Variants in PRR16 observed in about 807,000 individuals in gnomAD.
The protein encoded by PRR16 is proline rich 16.
Under a neutral mutation model 18.2 loss-of-function variants are expected in PRR16, and 6 were observed. The ratio of observed to expected loss-of-function variants is 0.33; its 90% CI spans 0.18 to 0.65. The LOEUF (loss-of-function observed/expected upper bound fraction) is 0.65. Among genes scored for constraint, PRR16 ranks in the 30% least tolerant of loss-of-function variants. PRR16 has a pLI of 0.74. For synonymous variants in PRR16, 151 were observed against 147.8 expected, an observed-to-expected ratio of 1.02 and a Z score of -0.16; for missense variants, 412 against 376.6, an observed-to-expected ratio of 1.09 and a Z score of -0.78.
chr5:120,652,166 C>A lies in PRR16; in HGVS notation c.160-33788C>A, dbSNP rs115418895. 4.5e-3 allele frequency among the ~76,000 whole-genome samples: 678 copies of A among 152,106 alleles called. 6 individuals are homozygous for A. Among genetic ancestry groups the A allele is most frequent in the African/African-American group, 0.015 (637 of 41,510 alleles). On this transcript the variant is annotated intron_variant, in intron 1 of 1. Transcript: ENST00000407149. ...TATGGATGTACATTAATATAAAGAT[C>A]AAGTCAACTGTTTTGATCATCGATT...
chr5:120,792,036 C>T, the PRR16 span, among the ~76,000 whole-genome samples: 1 of 152,108 alleles, frequency 6.6e-6, no homozygotes, highest in East Asian at 1.9e-4. Flanking sequence ...TGAACTCATC[C>T]ATGAAGCAAT....
intron 1 of PRR16, among the ~76,000 whole-genome samples, chr5:120,468,966 G>T (rs923369657): frequency 3.9e-5 from 6 of 152,160 alleles, no homozygotes; most frequent in African/African-American, 1.4e-4. Flanking sequence ...TTGTTTTGTT[G>T]TTGCCTTAGA....
At chr5:120,793,375 T>G in the PRR16 span, among the ~76,000 whole-genome samples, 1 of 152,044 alleles carries the variant, frequency 6.6e-6, no homozygotes, top group Non-Finnish European at 1.5e-5. Context: ...GTATATGGTT[T>G]GGAGATATCA....
At chr5:120,710,215 G>T in the PRR16 span, among the ~76,000 whole-genome samples, 1 of 152,100 alleles carries the variant, frequency 6.6e-6, no homozygotes, top group Non-Finnish European at 1.5e-5. Flanking sequence ...TTTCCCTGAT[G>T]ACTTTGCATT....
chr5:120,733,696 T>A, the PRR16 span, among the ~76,000 whole-genome samples: 1 of 152,172 alleles, frequency 6.6e-6, no homozygotes, highest in Admixed American at 6.5e-5. Context: ...CTGTAATTAA[T>A]ACAGAACCTT....
intron 1 of PRR16, among the ~76,000 whole-genome samples, chr5:120,500,142 GT>G (rs1230075021): frequency 3.3e-5 from 5 of 152,142 alleles, no homozygotes; most frequent in Non-Finnish European, 7.4e-5. Context: ...TGGGACTCCA[GT>G]TTTTCTGTGC....
chr5:120,647,475 C>T, intron 1 of PRR16, among the ~76,000 whole-genome samples: 1 of 151,964 alleles, frequency 6.6e-6, no homozygotes, highest in Admixed American at 6.6e-5. Context: ...ATTCTTGCAA[C>T]TAGAGTTAAT....
At chr5:120,500,799 A>G (rs1750424517) in intron 1 of PRR16, among the ~76,000 whole-genome samples, 1 of 152,216 alleles carries the variant, frequency 6.6e-6, no homozygotes, top group Non-Finnish European at 1.5e-5. Context: ...TATTAAAATA[A>G]CACATTGTTA....
intron 1 of PRR16, among the ~76,000 whole-genome samples, chr5:120,519,341 T>A (rs1036398711): frequency 1.3e-5 from 2 of 152,086 alleles, no homozygotes; most frequent in Non-Finnish European, 2.9e-5. Context: ...ATATAAAAAA[T>A]GATATTCTGT....
At chr5:120,628,057 C>T (rs1754925478) in intron 1 of PRR16, among the ~76,000 whole-genome samples, 1 of 152,016 alleles carries the variant, frequency 6.6e-6, no homozygotes. Context: ...CCTATAATCA[C>T]TTTTTCAATT....
intron 1 of PRR16, among the ~76,000 whole-genome samples, chr5:120,681,962 A>G (rs910689253): frequency 3.3e-5 from 5 of 152,182 alleles, no homozygotes; most frequent in African/African-American, 1.2e-4. Context: ...TGTGTACTTT[A>G]GAGGACACTT....
At chr5:120,648,660 A>G (rs1755675570) in intron 1 of PRR16, among the ~76,000 whole-genome samples, 1 of 152,156 alleles carries the variant, frequency 6.6e-6, no homozygotes, top group Admixed American at 6.6e-5. Flanking sequence ...AAGAGAACCA[A>G]CACTAAAAGT....
rs149250170 is a variant in PRR16 at position 120,612,430 on chromosome 5, A to G, written c.160-73524A>G. On this transcript the variant is annotated intron_variant, in intron 1 of 1. Coordinates refer to ENST00000407149, the MANE Select transcript of PRR16 (RefSeq NM_001300783.2). ...AATCTCAACTTGAATTGTATCTCCC[A>G]GAATTCCCCCATGGTGTGGGAGGGA... Among the ~76,000 whole-genome samples, 569 of 152,314 alleles carry G rather than the reference A, an allele frequency of 3.7e-3. 6 individuals are homozygous for G. Among genetic ancestry groups the G allele is most frequent in the African/African-American group, 0.013 (554 of 41,580 alleles).
chr5:120,763,001 C>T, the PRR16 span, among the ~76,000 whole-genome samples: 3 of 152,084 alleles, frequency 2.0e-5, no homozygotes, highest in African/African-American at 7.2e-5. Flanking sequence ...CCAGTTTTCC[C>T]AGCCTCATGT....
At chr5:120,791,620 T>TATCC in the PRR16 span, among the ~76,000 whole-genome samples, 57 of 136,394 alleles carry the variant, frequency 4.2e-4, no homozygotes, top group East Asian at 8.3e-4. Context: ...TCTATCTATC[T>TATCC]ATCCATCCAT....
chr5:120,674,079 A>G (rs1299426052), intron 1 of PRR16, among the ~76,000 whole-genome samples: 1 of 152,154 alleles, frequency 6.6e-6, no homozygotes, highest in Non-Finnish European at 1.5e-5. Flanking sequence ...TAAAATTTCA[A>G]CTACTATCTA....
intron 1 of PRR16, among the ~76,000 whole-genome samples, chr5:120,667,630 G>A (rs1439704913): frequency 5.3e-5 from 8 of 151,272 alleles, no homozygotes; most frequent in South Asian, 2.1e-4. Flanking sequence ...CTTTGAATGC[G>A]TCCCAGAGAT....
chr5:120,511,405 A>T (rs1176247309), intron 1 of PRR16, among the ~76,000 whole-genome samples: 1 of 151,992 alleles, frequency 6.6e-6, no homozygotes, highest in African/African-American at 2.4e-5. Flanking sequence ...CTCATTTATT[A>T]TTGTTTATTT....
the PRR16 span, among the ~76,000 whole-genome samples, chr5:120,692,816 C>G: frequency 6.6e-6 from 1 of 152,084 alleles, no homozygotes; most frequent in Non-Finnish European, 1.5e-5. Context: ...GGGGAATTAA[C>G]AACATTTAAT....
Sources: gnomAD v4.1 joint callset for allele counts (sites outside exome capture counted in the v4.1 genomes callset) on GRCh38, gnomAD v4.1.1 for gene constraint, MANE v1.5 for transcripts, NCBI Gene and HGNC (gene_info 2026-07-23, HGNC 2026-07-21) for gene names.